PHF10: variants seen among roughly 807,000 people sequenced by gnomAD.
The protein encoded by PHF10 is BRG1-associated factor 45a.
A neutral mutation model predicts 68.5 loss-of-function variants in PHF10; 51 were observed. That is an observed-to-expected ratio of 0.74 (90% CI 0.59 to 0.94). PHF10 has a LOEUF of 0.94. PHF10 is among the 40% of genes least tolerant of loss of function. The pLI is 0.00. For missense variants in PHF10, 460 were observed against 602.6 expected, an observed-to-expected ratio of 0.76 and a Z score of 2.48; for synonymous variants, 204 against 203.5, an observed-to-expected ratio of 1.00 and a Z score of -0.02.
intron 7 of PHF10, 148 bp downstream of exon 7, chr6:169,714,585 C>A: frequency 1.6e-6 from 1 of 637,022 alleles, no homozygotes; most frequent in East Asian, 2.6e-5. Context: ...TTGTTTACCA[C>A]AGAACCAGAG....
At position 169,716,071 on chromosome 6, in the gene PHF10, T is replaced by C; in HGVS notation, c.427A>G (p.Ser143Gly). The change falls in exon 5 of 12, where the codon AGT (serine) becomes GGT (glycine). Residue 143 changes from serine to glycine, a missense_variant. Physicochemically the swap from Ser to Gly is moderately conservative, Grantham distance 56 (BLOSUM62 0). Coordinates refer to ENST00000339209, the MANE Select transcript of PHF10 (RefSeq NM_018288.4). ...QCTLGLTALR[S>G]DEVIDLMIKE... ...ATCATTAAATCAATCACTTCATCAC[T>C]GCGCAATGCTGTTAAGCCTATTTTA... 6.3e-7 allele frequency: 1 copy of C among 1,595,068 alleles called. No individual in the cohort carries two copies. The highest frequency in any genetic ancestry group is 8.5e-7 in the Non-Finnish European group (1 of 1,171,258).
intron 2 of PHF10, chr6:169,719,321 T>C (rs1488098491): frequency 6.1e-6 from 1 of 163,470 alleles, no homozygotes; most frequent in Non-Finnish European, 1.3e-5. Context: ...TGTCTACTGT[T>C]CAGTGAGTCA....
At chr6:169,714,642 T>C (rs1406966161) in intron 7 of PHF10, 91 bp downstream of exon 7, 5 of 741,012 alleles carry the variant, frequency 6.7e-6, no homozygotes, top group Non-Finnish European at 7.4e-6. Flanking sequence ...GTGATATCTA[T>C]AGACCCCAAA....
rs188439312 is a variant in PHF10, at chr6:169,724,317, A to G, written c.-386T>C. 0.28 allele frequency among the ~76,000 whole-genome samples: 27,984 copies of G among 100,460 alleles called. 3,909 individuals are homozygous for G. Among genetic ancestry groups the G allele is most frequent in the East Asian group, 0.72 (2,520 of 3,488 alleles). The allele number at this position is 100,460 out of a possible 152,430, so 65.9% of individuals were successfully genotyped here. On this transcript the variant is annotated 5_prime_UTR_variant, in exon 1 of 12. Coordinates refer to ENST00000339209, the MANE Select transcript of PHF10 (RefSeq NM_018288.4). ...CGCCGCTGGCCTCAGCGCCGCCGCG[A>G]CTCCCTTCAGCCCCGCCACTCGCTC...
chr6:169,715,571 AAAC>A, intron 6 of PHF10, 134 bp downstream of exon 6: 1 of 828,106 alleles, frequency 1.2e-6, no homozygotes, highest in Non-Finnish European at 1.9e-6. Flanking sequence ...ACAAAAAACA[AAAC>A]AAAACAAACA....
intron 1 of PHF10, among the ~76,000 whole-genome samples, chr6:169,723,047 G>A (rs969609911): frequency 1.3e-5 from 2 of 152,220 alleles, no homozygotes; most frequent in African/African-American, 4.8e-5. Context: ...GGCGCAGCCC[G>A]GCTAGGCTGC....
chr6:169,719,968 T>A (rs1789138725), intron 2 of PHF10, among the ~76,000 whole-genome samples: 1 of 145,958 alleles, frequency 6.9e-6, no homozygotes, highest in South Asian at 2.2e-4. Flanking sequence ...AAAAAGCTCC[T>A]ACAACAAAAA....
In PHF10 at chr6:169,715,780, T is replaced by C. The variant is rs201545353; in HGVS notation, c.621A>G (p.Ala207=). The C allele has an allele frequency of 3.7e-6, 6 of 1,613,766 alleles. No individual in the cohort carries two copies. In the Admixed American group the frequency reaches 8.3e-5, roughly 22 times the overall value. The part of the protein sequence containing the change: ...PEYIKKAAKK[A]AEFNSNLNRE... The stretch of plus-strand genomic sequence containing the variant: ...GGTTTAAGTTGCTATTAAATTCTGC[T>C]GCTTTTTTGGCAGCTTTCTTAATAT... The change falls in exon 6 of 12, where the codon GCA becomes GCG. Residue 207 remains alanine (A), a synonymous_variant. Transcript: ENST00000339209.
intron 2 of PHF10, 132 bp downstream of exon 2, chr6:169,720,873 A>G (rs944077992): frequency 5.3e-6 from 3 of 570,570 alleles, no homozygotes; most frequent in Non-Finnish European, 9.3e-6. Flanking sequence ...TTGATGGCAC[A>G]TTATAGAACA....
Position 169,712,539 on chromosome 6 carries a change from C to T in PHF10, c.804G>A (p.Arg268=). ...GATACCGCAGCTCATCTGGTGAGTA[C>T]CTGAAGTTCAGAGAGTTTATTTTTG... ...IPGQFQEYYK[R]YSPDELRYLP... Residue 268 remains arginine, a splice_region_variant and synonymous_variant, in exon 8 of 12, where the codon AGG becomes AGA. Transcript: ENST00000339209. 1 of 1,604,448 alleles carries T rather than the reference C, an allele frequency of 6.2e-7. No individual in the cohort carries two copies. The highest frequency in any genetic ancestry group is 8.5e-7 in the Non-Finnish European group (1 of 1,177,556).
chr6:169,707,482 A>G (rs1166329345), intron 9 of PHF10: 6 of 152,224 alleles, frequency 3.9e-5, no homozygotes, highest in Admixed American at 2.6e-4. Context: ...ACTAAATGTA[A>G]AAGATATACT....
intron 2 of PHF10, 143 bp from the exon 3 acceptor site, chr6:169,719,061 T>C: frequency 1.7e-6 from 1 of 573,498 alleles, no homozygotes; most frequent in Non-Finnish European, 3.1e-6. Flanking sequence ...CAAAGAAAAT[T>C]ACAAAACAGG....
Position 169,718,843 on chromosome 6 carries a change from A to T in PHF10, c.270T>A (p.Leu90=). 2 of 1,597,994 alleles carry T rather than the reference A, an allele frequency of 1.3e-6. No homozygotes were observed. Among genetic ancestry groups the T allele is most frequent in the Non-Finnish European group, 1.7e-6 (2 of 1,167,082 alleles). Residue 90 remains leucine (L), a synonymous_variant, in exon 3 of 12, where the codon CTT becomes CTA. Transcript: ENST00000339209. ...PPDETGEYYM[L]QEQVSEYLGV... is the part of the protein sequence containing the mutation. ...CCAAATATTCACTGACTTGTTCTTG[A>T]AGCATATAGTATTCTCCTGTTTCAT...
At chr6:169,721,155 A>G in intron 1 of PHF10, 44 bp from the exon 2 acceptor site, 1 of 1,078,620 alleles carries the variant, frequency 9.3e-7, no homozygotes, top group Non-Finnish European at 1.4e-6. Context: ...GAGAAAGAAT[A>G]AAAGAACAGT....
At chr6:169,720,771 C>T (rs1488502243) in intron 2 of PHF10, among the ~76,000 whole-genome samples, 1 of 152,242 alleles carries the variant, frequency 6.6e-6, no homozygotes, top group East Asian at 1.9e-4. Flanking sequence ...GAATTTCACA[C>T]TTAAAAATTG....
intron 7 of PHF10, among the ~76,000 whole-genome samples, chr6:169,713,892 G>A (rs1788984116): frequency 6.6e-6 from 1 of 152,172 alleles, no homozygotes; most frequent in Non-Finnish European, 1.5e-5. Context: ...GGGAGGCCAA[G>A]GTGGGCGGAT....
At position 169,706,750 on chromosome 6, in the gene PHF10, AC is replaced by A. The variant is rs1444653779; in HGVS notation, c.1114-1027del. Among the ~76,000 whole-genome samples, 5 of 149,764 alleles carry A rather than the reference AC, an allele frequency of 3.3e-5. 1 individual carries two copies. In the East Asian group the frequency reaches 9.8e-4, roughly 29 times the overall value. On this transcript the variant is annotated intron_variant, in intron 9 of 11. Coordinates refer to ENST00000339209, the MANE Select transcript of PHF10 (RefSeq NM_018288.4). ...CATACACACACACACACACACACAC[AC>A]ACACACACACACACACACACACACA...
In PHF10 at chr6:169,705,142, T is replaced by G; in HGVS notation, c.1402A>C (p.Ile468Leu). The G allele has an allele frequency of 1.2e-6, 2 of 1,606,242 alleles. No individual in the cohort carries two copies. Among genetic ancestry groups the G allele is most frequent in the South Asian group, 2.2e-5 (2 of 89,666 alleles). ...TTTTTTTAATCTTTACCTGATGGAA[T>G]AGCACCAAGGCCCACACAAAAAGTA... ...YHTFCVGLGA[I>L]PSGRWICDCC... The change falls in exon 11 of 12, where the codon ATT (isoleucine) becomes CTT (leucine). Residue 468 changes from isoleucine to leucine, a missense_variant. Physicochemically the swap from Ile to Leu is conservative, Grantham distance 5. Transcript: ENST00000339209.
intron 7 of PHF10, 91 bp from the exon 8 acceptor site, chr6:169,712,630 T>TGAGTAACCCCGAAGACTTTTGAAAACTA (rs1788951036): frequency 9.2e-7 from 1 of 1,088,918 alleles, no homozygotes; most frequent in Non-Finnish European, 1.3e-6. Context: ...TTAAACTTCT[T>TGAGTAACCCCGAAGACTTTTGAAAACTA]GAGTAACCCC....
Sources: allele counts gnomAD v4.1 joint callset (sites outside exome capture counted in the v4.1 genomes callset), GRCh38; gene constraint gnomAD v4.1.1; transcripts MANE v1.5; gene names NCBI Gene and HGNC (gene_info 2026-07-23, HGNC 2026-07-21).